The following MYO3A variants were observed in gnomAD, a reference collection of about 807,000 sequenced individuals.
MYO3A encodes myosin IIIA.
In MYO3A, 180 loss-of-function variants were observed where a neutral mutation model predicts 192.7. The observed-to-expected ratio is 0.93, with a 90% CI of 0.83 to 1.06. The LOEUF is 1.06. Among genes scored for constraint, MYO3A ranks in the 50% least tolerant of loss-of-function variants. MYO3A has a pLI of 0.00. For synonymous variants in MYO3A, 628 were observed against 645.3 expected, an observed-to-expected ratio of 0.97 and a Z score of 0.41; for missense variants, 1,896 against 1,905.0, an observed-to-expected ratio of 1.00 and a Z score of 0.09.
chr10:26,125,800 A>G (rs1198470393), intron 19 of MYO3A, among the ~76,000 whole-genome samples, 192 bp downstream of exon 19: 1 of 152,176 alleles, frequency 6.6e-6, no homozygotes, highest in African/African-American at 2.4e-5. Context: ...TAACTATAAA[A>G]TTTTTAAGTT....
intron 4 of MYO3A, among the ~76,000 whole-genome samples, chr10:25,975,306 A>G (rs1200920256): frequency 6.6e-6 from 1 of 152,216 alleles, no homozygotes; most frequent in African/African-American, 2.4e-5. Flanking sequence ...CTTATCAGAA[A>G]GGAATGCTAG....
intron 14 of MYO3A, among the ~76,000 whole-genome samples, chr10:26,077,048 T>G (rs1835619559): frequency 6.6e-6 from 1 of 152,026 alleles, no homozygotes; most frequent in Admixed American, 6.6e-5. Flanking sequence ...TGGTGGTATT[T>G]TAATGGGGAT....
intron 17 of MYO3A, among the ~76,000 whole-genome samples, chr10:26,116,276 T>C (rs886496592): frequency 6.6e-6 from 1 of 152,162 alleles, no homozygotes; most frequent in Non-Finnish European, 1.5e-5. Flanking sequence ...GCTCCGAGTT[T>C]CTAGTGGTTC....
intron 8 of MYO3A, among the ~76,000 whole-genome samples, chr10:26,023,809 G>A (rs1262589007): frequency 6.6e-6 from 1 of 152,134 alleles, no homozygotes; most frequent in African/African-American, 2.4e-5. Flanking sequence ...GAAAAATCAG[G>A]TCATATGTTA....
chr10:26,049,019 T>C (rs1843804287), intron 10 of MYO3A, among the ~76,000 whole-genome samples: 1 of 152,158 alleles, frequency 6.6e-6, no homozygotes, highest in African/African-American at 2.4e-5. Context: ...ATGTGGTCTG[T>C]TGCAAGCCAC....
chr10:25,967,434 A>G (rs1388487261), intron 4 of MYO3A, among the ~76,000 whole-genome samples: 1 of 152,224 alleles, frequency 6.6e-6, no homozygotes, highest in East Asian at 1.9e-4. Flanking sequence ...AATAAGAGCT[A>G]CCTGAAAAGT....
rs980105067 is a variant in MYO3A at position 26,212,158 on chromosome 10, C to T, written c.*195C>T. On this transcript the variant is annotated 3_prime_UTR_variant, in exon 35 of 35. Transcript: ENST00000642920. ...CTCCGAAACAAGAGACCTGGGAGCC[C>T]TCGGGAAACCTCCCCCGACGCTCTC... 3.1e-5 allele frequency: 23 copies of T among 744,554 alleles called. No homozygotes were observed. The highest frequency in any genetic ancestry group is 4.0e-4 in the Middle Eastern group (1 of 2,488). The allele number at this position is 744,554 out of a possible 1,614,324, so 46.1% of individuals were successfully genotyped here.
intron 17 of MYO3A, among the ~76,000 whole-genome samples, chr10:26,119,374 AC>A (rs1838713356): frequency 6.6e-6 from 1 of 152,174 alleles, no homozygotes; most frequent in Admixed American, 6.5e-5. Context: ...CCTATCTGCT[AC>A]TGAATTACCT....
At chr10:26,008,367 G>A (rs1841379721) in intron 6 of MYO3A, among the ~76,000 whole-genome samples, 1 of 148,440 alleles carries the variant, frequency 6.7e-6, no homozygotes. Context: ...GGCAACAAAA[G>A]CCAAAATTGA....
chr10:26,140,487 C>T (rs1230017722), intron 20 of MYO3A, among the ~76,000 whole-genome samples: 1 of 152,080 alleles, frequency 6.6e-6, no homozygotes, highest in Non-Finnish European at 1.5e-5. Context: ...AGTTCAAGAC[C>T]AGCCTGGCCA....
intron 10 of MYO3A, among the ~76,000 whole-genome samples, chr10:26,027,785 C>T (rs1842623254): frequency 6.6e-6 from 1 of 152,130 alleles, no homozygotes. Flanking sequence ...ATAGCATTCC[C>T]TTGCCTGACA....
intron 4 of MYO3A, among the ~76,000 whole-genome samples, chr10:25,965,127 T>C (rs1327317628): frequency 6.6e-6 from 1 of 152,210 alleles, no homozygotes; most frequent in East Asian, 1.9e-4. Context: ...TTCTTGCACG[T>C]GGATATTGAT....
At chr10:26,010,011 A>G (rs1477212638) in intron 6 of MYO3A, among the ~76,000 whole-genome samples, 1 of 152,208 alleles carries the variant, frequency 6.6e-6, no homozygotes, top group African/African-American at 2.4e-5. Flanking sequence ...TACTGGACAT[A>G]TGTACACATG....
At chr10:25,983,492 T>C (rs961918719) in intron 4 of MYO3A, among the ~76,000 whole-genome samples, 3 of 151,904 alleles carry the variant, frequency 2.0e-5, no homozygotes, top group Non-Finnish European at 2.9e-5. Context: ...CTCCTGACCT[T>C]GTGATCCACC....
intron 10 of MYO3A, among the ~76,000 whole-genome samples, chr10:26,038,352 AT>A (rs1173563760): frequency 6.6e-6 from 1 of 152,132 alleles, no homozygotes; most frequent in Non-Finnish European, 1.5e-5. Context: ...ATATCTTTCC[AT>A]TTTTTGGTGT....
At chr10:25,967,612 G>C (rs2130703907) in intron 4 of MYO3A, among the ~76,000 whole-genome samples, 2 of 152,232 alleles carry the variant, frequency 1.3e-5, no homozygotes, top group African/African-American at 4.8e-5. Context: ...ATTATCAGAA[G>C]AAAAATCAGT....
chr10:26,161,856 G>A (rs1490661117), intron 26 of MYO3A, among the ~76,000 whole-genome samples: 2 of 152,094 alleles, frequency 1.3e-5, no homozygotes, highest in Non-Finnish European at 2.9e-5. Flanking sequence ...AGCACGTGTG[G>A]CTTACCTAAG....
chr10:26,168,826 C>CA lies in MYO3A; in HGVS notation c.3232dup (p.Ile1078AsnfsTer30). On this transcript the variant is annotated frameshift_variant, in exon 28 of 35. Coordinates refer to ENST00000642920, the MANE Select transcript of MYO3A (RefSeq NM_017433.5). LOFTEE classifies it high-confidence loss of function. The stretch of plus-strand genomic sequence containing the variant: ...AGCATTCTTGTGTTCAAGAAGATAC[C>CA]AAAAAATACAGGAGAAAAGGAAAGA... 3 of 1,612,436 alleles carry CA rather than the reference C, an allele frequency of 1.9e-6. No individual in the cohort carries two copies.
chr10:25,979,531 A>T (rs1839180799), intron 4 of MYO3A, among the ~76,000 whole-genome samples: 1 of 152,042 alleles, frequency 6.6e-6, no homozygotes, highest in South Asian at 2.1e-4. Flanking sequence ...AAGGAAACAT[A>T]CCAAAACAAT....
Sources: allele counts gnomAD v4.1 joint callset (sites outside exome capture counted in the v4.1 genomes callset), GRCh38; gene constraint gnomAD v4.1.1; transcripts MANE v1.5; gene names NCBI Gene and HGNC (gene_info 2026-07-23, HGNC 2026-07-21).